ZRANB3: variants seen among roughly 807,000 people sequenced by gnomAD.
ZRANB3 encodes zinc finger RANBP2-type containing 3, also known as DNA annealing helicase and endonuclease ZRANB3.
In ZRANB3, 125 loss-of-function variants were observed where a neutral mutation model predicts 133.8. The observed-to-expected ratio is 0.93, with a 90% CI of 0.81 to 1.08. The LOEUF is 1.08. ZRANB3 is among the 50% of genes least tolerant of loss of function. The pLI is 0.00. For missense variants in ZRANB3, 1,229 were observed against 1,275.5 expected, an observed-to-expected ratio of 0.96 and a Z score of 0.56; for synonymous variants, 387 against 432.7, an observed-to-expected ratio of 0.89 and a Z score of 1.31.
rs973638050 is a variant in ZRANB3, at chr2:135,198,013, C to G, written c.*2329G>C. On this transcript the variant is annotated 3_prime_UTR_variant, in exon 21 of 21. Coordinates refer to ENST00000264159, the MANE Select transcript of ZRANB3 (RefSeq NM_032143.4). The stretch of plus-strand genomic sequence containing the variant: ...GCCTAAACTGTATCTTGCAGCTTCT[C>G]TGAGTCTTTTCAGAGCCAGGCCTAT... 2.0e-5 allele frequency: 3 copies of G among 152,264 alleles called. No individual in the cohort carries two copies. Among genetic ancestry groups the G allele is most frequent in the African/African-American group, 7.2e-5 (3 of 41,414 alleles). 9.4% of individuals were successfully genotyped at this position (152,264 alleles called of 1,614,324 possible). A position where few individuals can be genotyped will look rare whatever the true frequency, so the allele number is the denominator to read the frequency against.
chr2:135,340,104 C>CT (rs769541283), intron 6 of ZRANB3, among the ~76,000 whole-genome samples: 2,593 of 123,758 alleles, frequency 0.021, 66 homozygotes, highest in African/African-American at 0.064. Flanking sequence ...TGTCCCTTTT[C>CT]TTTTTTTTTT....
intron 3 of ZRANB3, among the ~76,000 whole-genome samples, chr2:135,388,680 A>T (rs1367523925): frequency 6.6e-6 from 1 of 152,210 alleles, no homozygotes; most frequent in African/African-American, 2.4e-5. Flanking sequence ...GAATGAGTTC[A>T]TATTTCTATT....
At chr2:135,338,118 C>G (rs973397133) in intron 6 of ZRANB3, among the ~76,000 whole-genome samples, 1 of 152,116 alleles carries the variant, frequency 6.6e-6, no homozygotes, top group Admixed American at 6.5e-5. Flanking sequence ...TTGACAACAT[C>G]TGTGAATTTA....
chr2:135,489,218 T>C (rs1366982802), intron 2 of ZRANB3, among the ~76,000 whole-genome samples: 1 of 145,326 alleles, frequency 6.9e-6, no homozygotes, highest in East Asian at 2.1e-4. Flanking sequence ...AGATGAAAAT[T>C]ATAGTCAAAT....
intron 12 of ZRANB3, among the ~76,000 whole-genome samples, chr2:135,234,146 A>G (rs1695175883): frequency 6.6e-6 from 1 of 152,226 alleles, no homozygotes; most frequent in Non-Finnish European, 1.5e-5. Context: ...TTGCAATCCT[A>G]GTCTCGGATA....
At chr2:135,359,164 A>G (rs1420227697) in intron 3 of ZRANB3, among the ~76,000 whole-genome samples, 2 of 152,182 alleles carry the variant, frequency 1.3e-5, no homozygotes, top group African/African-American at 4.8e-5. Context: ...ACCATGATAA[A>G]GGGAAAGCCA....
chr2:135,347,172 T>TTATAC (rs1249670956), intron 5 of ZRANB3, among the ~76,000 whole-genome samples: 1 of 152,234 alleles, frequency 6.6e-6, no homozygotes, highest in Non-Finnish European at 1.5e-5. Context: ...TCACATTTGT[T>TTATAC]TATACATTCG....
chr2:135,521,314 C>A (rs186274363), intron 1 of ZRANB3, among the ~76,000 whole-genome samples: 2 of 152,008 alleles, frequency 1.3e-5, no homozygotes, highest in Admixed American at 1.3e-4. Flanking sequence ...TTTGGGAGGC[C>A]GAGGCAGGCA....
chr2:135,319,737 TCC>T, intron 6 of ZRANB3, among the ~76,000 whole-genome samples: 1 of 152,294 alleles, frequency 6.6e-6, no homozygotes, highest in South Asian at 2.1e-4. Context: ...TGGAAGCCAT[TCC>T]TATACTAGGT....
chr2:135,403,831 C>G (rs1175626357), intron 2 of ZRANB3, among the ~76,000 whole-genome samples: 2 of 152,214 alleles, frequency 1.3e-5, no homozygotes, highest in Non-Finnish European at 2.9e-5. Flanking sequence ...TGCTGATGCC[C>G]AGGCAAACAG....
intron 17 of ZRANB3, among the ~76,000 whole-genome samples, chr2:135,211,198 A>G (rs1694084465): frequency 6.6e-6 from 1 of 152,182 alleles, no homozygotes; most frequent in Admixed American, 6.5e-5. Flanking sequence ...TATATTCACA[A>G]GGCTGTACAA....
chr2:135,303,233 TA>T (rs920785996), intron 8 of ZRANB3, among the ~76,000 whole-genome samples: 1 of 152,208 alleles, frequency 6.6e-6, no homozygotes, highest in African/African-American at 2.4e-5. Flanking sequence ...TTCAAGTTTT[TA>T]ATCTCAATTT....
intron 8 of ZRANB3, among the ~76,000 whole-genome samples, chr2:135,291,901 C>G (rs963501734): frequency 3.3e-5 from 5 of 152,130 alleles, no homozygotes; most frequent in Non-Finnish European, 5.9e-5. Context: ...CAGCTTCATC[C>G]ATGTCCCTAC....
At chr2:135,246,699 A>T (rs866268762) in intron 12 of ZRANB3, among the ~76,000 whole-genome samples, 101 of 152,238 alleles carry the variant, frequency 6.6e-4, no homozygotes, top group African/African-American at 2.0e-3. Flanking sequence ...TCAGTTATAC[A>T]GCTGAAACTC....
chr2:135,501,593 C>A (rs966289349), intron 2 of ZRANB3, among the ~76,000 whole-genome samples: 1 of 152,062 alleles, frequency 6.6e-6, no homozygotes, highest in Non-Finnish European at 1.5e-5. Flanking sequence ...TTTGCTGATC[C>A]AGGATCTAAT....
chr2:135,227,777 A>G (rs1386911584), intron 14 of ZRANB3, 35 bp downstream of exon 14: 6 of 1,540,466 alleles, frequency 3.9e-6, no homozygotes, highest in African/African-American at 1.4e-5. Flanking sequence ...GTATATGGTT[A>G]TTACTTGGAT....
At chr2:135,272,158 G>A (rs1476206322) in intron 9 of ZRANB3, among the ~76,000 whole-genome samples, 2 of 152,126 alleles carry the variant, frequency 1.3e-5, no homozygotes, top group African/African-American at 2.4e-5. Context: ...GCAATGCCTT[G>A]TATATAGCAG....
At chr2:135,519,437 G>C (rs1330971999) in intron 1 of ZRANB3, among the ~76,000 whole-genome samples, 1 of 152,046 alleles carries the variant, frequency 6.6e-6, no homozygotes, top group Non-Finnish European at 1.5e-5. Flanking sequence ...CTTGAGCCAG[G>C]GAGGTCCAGG....
chr2:135,328,406 G>A (rs955563598), intron 6 of ZRANB3, among the ~76,000 whole-genome samples: 1 of 152,018 alleles, frequency 6.6e-6, no homozygotes, highest in African/African-American at 2.4e-5. Context: ...CCTTTTTTAT[G>A]GCTGCATAGC....
Sources: allele counts gnomAD v4.1 joint callset (sites outside exome capture counted in the v4.1 genomes callset), GRCh38; gene constraint gnomAD v4.1.1; transcripts MANE v1.5; gene names NCBI Gene and HGNC (gene_info 2026-07-23, HGNC 2026-07-21).